VDAC3: variants seen among roughly 807,000 people sequenced by gnomAD.
The protein encoded by VDAC3 is voltage dependent anion channel 3, also known as non-selective voltage-gated ion channel VDAC3.
In VDAC3, 7 loss-of-function variants were observed where a neutral mutation model predicts 33.9. That is an observed-to-expected ratio of 0.21 (90% CI 0.12 to 0.39). VDAC3 has a LOEUF of 0.39. VDAC3 is among the 10% of genes least tolerant of loss of function. The pLI, the probability that VDAC3 is intolerant of heterozygous loss-of-function variation, is 1.00. For missense variants in VDAC3, 261 were observed against 334.5 expected (o/e 0.78, Z 1.71); for synonymous variants, 100 against 122.4 (o/e 0.82, Z 1.21).
chr8:42,405,677 A>G lies in VDAC3; in HGVS notation c.*215A>G. On this transcript the variant is annotated 3_prime_UTR_variant, in exon 10 of 10. Transcript: ENST00000022615. ...GCCTGGAAGTTGTCATGTTTGTGCC[A>G]CGTTTCAGTTCAGTTCTGAAGTGTT... The G allele has an allele frequency of 3.9e-6, 2 of 509,874 alleles. No individual in the cohort carries two copies. Among genetic ancestry groups the G allele is most frequent in the South Asian group, 4.5e-5 (2 of 44,474 alleles). 31.6% of individuals were successfully genotyped at this position (509,874 alleles called of 1,614,324 possible). A position where few individuals can be genotyped will look rare whatever the true frequency, so the allele number is the denominator to read the frequency against.
chr8:42,395,064 T>TTG lies in VDAC3; in HGVS notation c.68-6_68-5dup, dbSNP rs145212549. On this transcript the variant is annotated intron_variant, in intron 3 of 9. Coordinates refer to ENST00000022615, the MANE Select transcript of VDAC3 (RefSeq NM_005662.7). ...TCACATTTTGTACATTACTGTGTTTTTGTGTGTGTGTGTGTATAGGCTTTG... is the reference window on the plus strand; with the variant it reads ...TCACATTTTGTACATTACTGTGTTTTTGTGTGTGTGTGTGTGTATAGGCTTTG... The TTG allele has an allele frequency of 2.1e-4, 330 of 1,603,814 alleles. No homozygotes were observed. The highest frequency in any genetic ancestry group is 4.5e-4 in the East Asian group (20 of 44,658).
chr8:42,401,411 G>A (rs1409768656), intron 6 of VDAC3, among the ~76,000 whole-genome samples: 1 of 152,132 alleles, frequency 6.6e-6, no homozygotes, highest in African/African-American at 2.4e-5. Flanking sequence ...TGGCCAGGAT[G>A]GTCTCAATCT....
At chr8:42,404,722 C>CA (rs878902511) in intron 8 of VDAC3, 145 bp from the exon 9 acceptor site, 26,971 of 353,832 alleles carry the variant, frequency 0.076, 119 homozygotes, top group African/African-American at 0.11. Context: ...AACTTCATCT[C>CA]AAAAAAAAAA....
intron 7 of VDAC3, 173 bp from the exon 8 acceptor site, chr8:42,403,138 A>G (rs543702122): frequency 3.0e-6 from 2 of 666,086 alleles, no homozygotes; most frequent in Non-Finnish European, 5.0e-6. Context: ...CATTACTGGC[A>G]TAGCTGGATT....
chr8:42,398,798 A>T lies in VDAC3; in HGVS notation c.204A>T (p.Gly68=), dbSNP rs1323569365. 1 of 1,614,016 alleles carries T rather than the reference A, an allele frequency of 6.2e-7. No individual in the cohort carries two copies. Among genetic ancestry groups the T allele is most frequent in the Non-Finnish European group, 8.5e-7 (1 of 1,179,984 alleles). The part of the protein sequence containing the change: ...LETKYKVCNY[G]LTFTQKWNTD... ...CCAAATATAAGGTCTGTAACTATGG[A>T]CTTACCTTCACCCAGAAATGGAACA... Residue 68 remains glycine, a synonymous_variant, in exon 5 of 10, where the codon GGA becomes GGT. Transcript: ENST00000022615.
At chr8:42,400,958 G>A (rs866586663) in intron 6 of VDAC3, among the ~76,000 whole-genome samples, 1 of 151,804 alleles carries the variant, frequency 6.6e-6, no homozygotes, top group African/African-American at 2.4e-5. Context: ...CACTGTGCCC[G>A]GCCAGGACAA....
At chr8:42,400,941 C>T (rs1802406119) in intron 6 of VDAC3, among the ~76,000 whole-genome samples, 1 of 151,960 alleles carries the variant, frequency 6.6e-6, no homozygotes, top group Admixed American at 6.6e-5. Context: ...GGCTTACAGG[C>T]ATGAGCCACT....
intron 6 of VDAC3, 142 bp from the exon 7 acceptor site, chr8:42,401,646 G>A: frequency 1.4e-6 from 1 of 724,278 alleles, no homozygotes; most frequent in East Asian, 2.6e-5. Context: ...CATTTGAAAT[G>A]TTTTTACTAT....
Position 42,403,317 on chromosome 8 carries a change from T to A in VDAC3, c.558T>A (p.Asp186Glu). 6.2e-7 allele frequency: 1 copy of A among 1,614,114 alleles called. No homozygotes were observed. Among genetic ancestry groups the A allele is most frequent in the Non-Finnish European group, 8.5e-7 (1 of 1,180,012 alleles). ...ADFQLHTHVN[D>E]GTEFGGSIYQ... ...TTCTTATCTATGAAAACAGGAACGA[T>A]GGCACTGAATTTGGAGGTTCTATCT... Residue 186 changes from aspartate (D) to glutamate (E), a missense_variant, in exon 8 of 10, where the codon GAT becomes GAA. Transcript: ENST00000022615.
rs145533788 is a variant in VDAC3, at chr8:42,394,820, C to A, written c.68-264C>A. Among the ~76,000 whole-genome samples the A allele has an allele frequency of 7.6e-4, 116 of 152,142 alleles. 1 individual carries two copies. Among genetic ancestry groups the A allele is most frequent in the Non-Finnish European group, 1.0e-4 (7 of 67,960 alleles). On this transcript the variant is annotated intron_variant, in intron 3 of 9. Transcript: ENST00000022615. ...CACACTATTTTCAGCAATTTTGATT[C>A]TTGGAATAGTGCATATTCCTTTCAT...
rs928896360 is a variant in VDAC3, at chr8:42,391,882, C to A, written c.-89C>A. 2.0e-5 allele frequency: 3 copies of A among 152,430 alleles called. No individual in the cohort carries two copies. Among genetic ancestry groups the A allele is most frequent in the Non-Finnish European group, 4.4e-5 (3 of 68,292 alleles). The allele number at this position is 152,430 out of a possible 1,614,324, so 9.4% of individuals were successfully genotyped here. Reference sequence around the variant, plus strand: ...GGCGCGGACGGCGTTGGTTTGAAGACCTTCAGCGTTGCCCTGGCGGAGCAG... The same window carrying A: ...GGCGCGGACGGCGTTGGTTTGAAGAACTTCAGCGTTGCCCTGGCGGAGCAG... On this transcript the variant is annotated 5_prime_UTR_variant, in exon 1 of 10. Transcript: ENST00000022615.
chr8:42,395,223 C>G, intron 4 of VDAC3, 90 bp downstream of exon 4: 1 of 1,557,774 alleles, frequency 6.4e-7, no homozygotes, highest in Admixed American at 1.8e-5. Flanking sequence ...CTTGAACCAG[C>G]ACCATGCTGT....
intron 4 of VDAC3, chr8:42,397,738 AAGG>A (rs1405345375): frequency 6.6e-6 from 1 of 152,204 alleles, no homozygotes; most frequent in Non-Finnish European, 1.5e-5. Context: ...ACAGGATAGA[AAGG>A]GGGAAAGAAG....
chr8:42,392,233 T>G (rs1258677016), intron 1 of VDAC3, among the ~76,000 whole-genome samples: 4 of 152,180 alleles, frequency 2.6e-5, no homozygotes, highest in African/African-American at 9.7e-5. Context: ...GGAAGTTGGA[T>G]CCTCGAACCC....
At chr8:42,396,654 T>C (rs773329145) in intron 4 of VDAC3, 2 of 694,508 alleles carry the variant, frequency 2.9e-6, no homozygotes, top group South Asian at 3.1e-5. Context: ...TTCATGCTGC[T>C]GTTGTGTGGT....
At chr8:42,405,277 A>G in intron 9 of VDAC3, 94 bp from the exon 10 acceptor site, 1 of 1,029,924 alleles carries the variant, frequency 9.7e-7, no homozygotes, top group African/African-American at 1.6e-5. Context: ...ACCCAGCTAC[A>G]ATCCACACCA....
intron 7 of VDAC3, among the ~76,000 whole-genome samples, chr8:42,402,468 C>T (rs543019030): frequency 1.4e-4 from 21 of 152,238 alleles, no homozygotes; most frequent in African/African-American, 3.9e-4. Context: ...CTGGTATTCT[C>T]GGTTGGAACC....
intron 3 of VDAC3, 98 bp downstream of exon 3, chr8:42,394,376 C>G: frequency 9.7e-7 from 1 of 1,026,686 alleles, no homozygotes; most frequent in Non-Finnish European, 1.5e-6. Context: ...GGTAAGTCAG[C>G]ATTATTCCAC....
intron 4 of VDAC3, among the ~76,000 whole-genome samples, chr8:42,395,832 G>A (rs1470144477): frequency 6.0e-5 from 9 of 151,202 alleles, no homozygotes; most frequent in Admixed American, 2.6e-4. Flanking sequence ...GTGGTGGCAC[G>A]CACATAGTCC....
Sources: allele counts gnomAD v4.1 joint callset (sites outside exome capture counted in the v4.1 genomes callset), GRCh38; gene constraint gnomAD v4.1.1; transcripts MANE v1.5; gene names NCBI Gene and HGNC (gene_info 2026-07-23, HGNC 2026-07-21).